Variants in CACNA1H observed in about 807,000 individuals in gnomAD.
CACNA1H encodes calcium voltage-gated channel subunit alpha1 H, also known as voltage-dependent T-type calcium channel subunit alpha-1H.
A neutral mutation model predicts 192.5 loss-of-function variants in CACNA1H; 149 were observed. The ratio of observed to expected loss-of-function variants is 0.77; its 90% CI spans 0.68 to 0.89. The LOEUF (loss-of-function observed/expected upper bound fraction) is 0.89. Among genes scored for constraint, CACNA1H ranks in the 40% least tolerant of loss-of-function variants. The pLI is 0.00. For missense variants in CACNA1H, 4,257 were observed against 3,423.5 expected, an observed-to-expected ratio of 1.24 and a Z score of -6.08; for synonymous variants, 2,202 against 1,475.2, an observed-to-expected ratio of 1.49 and a Z score of -11.29.
intron 2 of CACNA1H, among the ~76,000 whole-genome samples, chr16:1,174,013 C>G (rs1964623502): frequency 6.6e-6 from 1 of 152,244 alleles, no homozygotes; most frequent in African/African-American, 2.4e-5. Flanking sequence ...ACAGTAGGGC[C>G]TCACATCATG....
Position 1,210,365 on chromosome 16 carries a change from C to T in CACNA1H, c.3846-5C>T, listed in dbSNP as rs1383516917. The T allele has an allele frequency of 6.5e-7, 1 of 1,530,742 alleles. No individual in the cohort carries two copies. 94.8% of individuals were successfully genotyped at this position (1,530,742 alleles called of 1,614,324 possible). ...CCCACCTCTCACCCGCCCCCGCCCA[C>T]CCAGGTTCCGCGTCTCCTGCCAGAA... is the stretch of plus-strand genomic sequence containing the variant. On this transcript the variant is annotated splice_polypyrimidine_tract_variant and splice_region_variant and intron_variant, in intron 18 of 34. Transcript: ENST00000348261.
Position 1,218,642 on chromosome 16 carries a change from ACC to A in CACNA1H, c.5882_5883del (p.Pro1961LeufsTer68), listed in dbSNP as rs1567555925. ...GGAGATGGAGACCTATGGGGCCGGC[ACC>A]CCCTTGGGTATGGTAGCCAGCAGGA... is the stretch of plus-strand genomic sequence containing the variant. The part of the protein sequence containing the change: ...EVEMETYGAG[T>X]PLGSVASVHS... On this transcript the variant is annotated frameshift_variant, in exon 33 of 35. Coordinates refer to ENST00000348261, the MANE Select transcript of CACNA1H (RefSeq NM_021098.3). LOFTEE classifies it high-confidence loss of function. The A allele has an allele frequency of 2.6e-6, 4 of 1,531,144 alleles. No homozygotes were observed. In the Admixed American group the frequency reaches 8.0e-5, roughly 31 times the overall value. The allele number at this position is 1,531,144 out of a possible 1,614,324, so 94.8% of individuals were successfully genotyped here. A position where few individuals can be genotyped will look rare whatever the true frequency, so the allele number is the denominator to read the frequency against.
At chr16:1,197,868 C>A (rs1330316924) in intron 5 of CACNA1H, among the ~76,000 whole-genome samples, 1 of 152,134 alleles carries the variant, frequency 6.6e-6, no homozygotes, top group East Asian at 1.9e-4. Context: ...GGGAGCAGGC[C>A]CAGGATGGAG....
intron 2 of CACNA1H, among the ~76,000 whole-genome samples, chr16:1,175,498 C>G (rs1011734678): frequency 6.6e-6 from 1 of 152,056 alleles, no homozygotes; most frequent in Non-Finnish European, 1.5e-5. Flanking sequence ...GCACCCCTGC[C>G]CCTCCACCCT....
chr16:1,210,162 A>G (rs373033259), intron 18 of CACNA1H, 27 bp downstream of exon 18: 15 of 1,529,102 alleles, frequency 9.8e-6, no homozygotes, highest in Admixed American at 2.0e-5. Context: ...AGGAGGCTGC[A>G]TGGCTAGTTC....
intron 2 of CACNA1H, among the ~76,000 whole-genome samples, chr16:1,171,472 C>CT (rs1964361155): frequency 6.6e-6 from 1 of 152,220 alleles, no homozygotes; most frequent in Non-Finnish European, 1.5e-5. Flanking sequence ...GAGCCTGGAG[C>CT]CCGGAGGAGG....
intron 25 of CACNA1H, 44 bp from the exon 26 acceptor site, chr16:1,212,467 T>C (rs756486884): frequency 1.9e-6 from 3 of 1,577,484 alleles, no homozygotes; most frequent in South Asian, 2.3e-5. Flanking sequence ...CAGGCCCGAG[T>C]GCGCCACGCC....
chr16:1,220,656 G>A lies in CACNA1H; in HGVS notation c.6724G>A (p.Gly2242Arg), dbSNP rs776025785. Residue 2242 changes from glycine to arginine, a missense_variant, in exon 35 of 35, where the codon GGG becomes AGG. Physicochemically the swap from Gly to Arg is moderately radical, Grantham distance 125. Coordinates refer to ENST00000348261, the MANE Select transcript of CACNA1H (RefSeq NM_021098.3). The stretch of plus-strand genomic sequence containing the variant: ...GCCCACAGAGGGCTCAGGCGCCGGG[G>A]GGGACCCTGCAGCCAAGGGGGAGCG... ...LEPTEGSGAGGDPAAKGERWG... is the reference protein window; with the variant it reads ...LEPTEGSGAGRDPAAKGERWG... The A allele has an allele frequency of 1.2e-6, 2 of 1,606,046 alleles. No homozygotes were observed. The highest frequency in any genetic ancestry group is 1.7e-5 in the Admixed American group (1 of 59,004).
chr16:1,202,060 G>A lies in CACNA1H; in HGVS notation c.1610G>A (p.Arg537His), dbSNP rs548407874. 48 of 1,538,952 alleles carry A rather than the reference G, an allele frequency of 3.1e-5. No homozygotes were observed. The highest frequency in any genetic ancestry group is 7.9e-5 in the Admixed American group (4 of 50,850). Residue 537 changes from arginine to histidine, a missense_variant, in exon 9 of 35, where the codon CGC becomes CAC. Transcript: ENST00000348261. ...HHYHFSHGSP[R>H]RPGPEPGACD... ...TACCATTTCAGCCATGGCAGCCCCC[G>A]CAGGCCCGGCCCCGAGCCAGGCGCC...
chr16:1,164,791 C>T (rs186986530), intron 2 of CACNA1H, among the ~76,000 whole-genome samples: 1 of 152,284 alleles, frequency 6.6e-6, no homozygotes, highest in East Asian at 1.9e-4. Flanking sequence ...CCTCACTGGC[C>T]GGGCTCCGGA....
Position 1,206,981 on chromosome 16 carries a change from G to A in CACNA1H, c.2790-20G>A, listed in dbSNP as rs373286579. On this transcript the variant is annotated intron_variant, in intron 12 of 34. Transcript: ENST00000348261. ...ACACCCCTGCCTCCACCCTCAACAC[G>A]CCCCTGCCCCCACCCTCAGCATCCT... 2,304 of 1,274,390 alleles carry A rather than the reference G, an allele frequency of 1.8e-3. 7 individuals are homozygous for A. The highest frequency in any genetic ancestry group is 2.1e-3 in the Non-Finnish European group (1,988 of 959,600). 78.9% of individuals were successfully genotyped at this position (1,274,390 alleles called of 1,614,324 possible).
At chr16:1,212,990 C>T (rs555698007) in intron 26 of CACNA1H, among the ~76,000 whole-genome samples, 15 of 152,328 alleles carry the variant, frequency 9.8e-5, no homozygotes, top group South Asian at 2.1e-4. Context: ...GTTCTGTGGC[C>T]GAGGCAGGTC....
At chr16:1,162,882 C>T (rs559098640) in intron 2 of CACNA1H, among the ~76,000 whole-genome samples, 2 of 152,270 alleles carry the variant, frequency 1.3e-5, no homozygotes, top group South Asian at 2.1e-4. Context: ...GTCAGGTGGG[C>T]GAGCAGAGGT....
rs199950028 is a variant in CACNA1H at position 1,207,440 on chromosome 16, C to T, written c.3063+10C>T. 3.4e-5 allele frequency: 55 copies of T among 1,611,592 alleles called. No individual in the cohort carries two copies. Among genetic ancestry groups the T allele is most frequent in the South Asian group, 1.1e-5 (1 of 90,896 alleles). On this transcript the variant is annotated intron_variant, in intron 14 of 34. Transcript: ENST00000348261. Reference sequence around the variant, plus strand: ...GGGCTTCCAGGCGGAGGTGAGGGGGCAGGGAGAGGGGCTGCCAGGAGGAGG... The same window carrying T: ...GGGCTTCCAGGCGGAGGTGAGGGGGTAGGGAGAGGGGCTGCCAGGAGGAGG...
chr16:1,202,545 C>CTCATCAGAGTGCCCACA, intron 9 of CACNA1H, 93 bp downstream of exon 9: 1 of 1,111,118 alleles, frequency 9.0e-7, no homozygotes, highest in Non-Finnish European at 1.2e-6. Context: ...CCATTGTGGG[C>CTCATCAGAGTGCCCACA]ACTCTGATGA....
chr16:1,199,617 G>A (rs1353312020), intron 6 of CACNA1H, among the ~76,000 whole-genome samples: 1 of 147,874 alleles, frequency 6.8e-6, no homozygotes, highest in African/African-American at 2.5e-5. Flanking sequence ...TCTCCCCTCG[G>A]CCCTTGCTCT....
chr16:1,191,037 G>T (rs1483883704), intron 2 of CACNA1H, among the ~76,000 whole-genome samples: 4 of 139,676 alleles, frequency 2.9e-5, no homozygotes, highest in East Asian at 2.2e-4. Context: ...CGGGGTCTCT[G>T]ACCCAGCAGG....
chr16:1,167,266 G>T lies in CACNA1H; in HGVS notation c.299+13230G>T, dbSNP rs999188743. ...GGGCCTCCTGTCAGCAGCCCGTCCC[G>T]GTGGGTGGGGCTTGCCGGCCGCCCG... On this transcript the variant is annotated intron_variant, in intron 2 of 34. Transcript: ENST00000348261. This position sits in a 1 kb window ranked among gnomAD's most constrained non-coding sequence, Gnocchi z 4.2. Among the ~76,000 whole-genome samples the T allele has an allele frequency of 6.6e-6, 1 of 152,186 alleles. No individual in the cohort carries two copies. Among genetic ancestry groups the T allele is most frequent in the South Asian group, 2.1e-4 (1 of 4,832 alleles).
intron 2 of CACNA1H, among the ~76,000 whole-genome samples, chr16:1,183,892 G>A (rs1965723815): frequency 6.6e-6 from 1 of 152,224 alleles, no homozygotes; most frequent in Non-Finnish European, 1.5e-5. Flanking sequence ...GAGGGAGACT[G>A]AATTAATTCC....
Sources: allele counts gnomAD v4.1 joint callset (sites outside exome capture counted in the v4.1 genomes callset), GRCh38; gene constraint gnomAD v4.1.1; non-coding constraint Gnocchi (gnomAD v3.1); transcripts MANE v1.5; gene names NCBI Gene and HGNC (gene_info 2026-07-23, HGNC 2026-07-21).